The following FAM13A variants were observed in gnomAD, a reference collection of about 807,000 sequenced individuals.
FAM13A encodes the protein family with sequence similarity 13 member A.
In FAM13A, 76 loss-of-function variants were observed where a neutral mutation model predicts 129.6. The ratio of observed to expected loss-of-function variants is 0.59; its 90% CI spans 0.49 to 0.71. FAM13A has a LOEUF of 0.71. FAM13A is among the 30% of genes least tolerant of loss of function. The pLI is 0.00. For synonymous variants in FAM13A, 443 were observed against 449.9 expected (o/e 0.98, Z 0.20); for missense variants, 1,108 against 1,249.3 (o/e 0.89, Z 1.70).
intron 1 of FAM13A, among the ~76,000 whole-genome samples, chr4:89,046,443 T>C (rs888495704): frequency 2.1e-5 from 3 of 145,554 alleles, no homozygotes; most frequent in Admixed American, 6.8e-5. Context: ...GTCACTTCTA[T>C]TGATGGAATA....
intron 4 of FAM13A, among the ~76,000 whole-genome samples, chr4:88,949,976 T>C (rs182890350): frequency 6.6e-6 from 1 of 152,342 alleles, no homozygotes; most frequent in East Asian, 1.9e-4. Context: ...ATATTTTGGA[T>C]ACGTTGGAAA....
At chr4:88,975,513 T>A (rs139865453) in intron 4 of FAM13A, among the ~76,000 whole-genome samples, 5 of 152,344 alleles carry the variant, frequency 3.3e-5, no homozygotes, top group African/African-American at 9.6e-5. Flanking sequence ...CAATAGCCAT[T>A]TTCAAGATTA....
At chr4:88,823,104 T>C (rs1361350162) in intron 7 of FAM13A, 38 of 1,585,956 alleles carry the variant, frequency 2.4e-5, no homozygotes, top group Non-Finnish European at 2.9e-5. Context: ...CTAAGCTGGG[T>C]TGGGGGCATG....
At chr4:88,860,227 T>C (rs1052180801) in intron 6 of FAM13A, among the ~76,000 whole-genome samples, 1 of 152,222 alleles carries the variant, frequency 6.6e-6, no homozygotes, top group Non-Finnish European at 1.5e-5. Context: ...CTGATTAATG[T>C]GTTCTTAAAA....
chr4:88,946,401 CTTTTTTTT>C lies in FAM13A; in HGVS notation c.606-8168_606-8161del, dbSNP rs3067813. On this transcript the variant is annotated intron_variant, in intron 4 of 23. Transcript: ENST00000264344. Reference sequence around the variant, plus strand: ...CTGAGAGATCATTTGCTCCCGCGTTCTTTTTTTTTTTTTTTTTTTTTTGGTGACACCAA... The same window carrying C: ...CTGAGAGATCATTTGCTCCCGCGTTCTTTTTTTTTTTTTTGGTGACACCAA... 9.8e-5 allele frequency among the ~76,000 whole-genome samples: 9 copies of C among 91,714 alleles called. No individual in the cohort carries two copies. In the South Asian group the frequency reaches 2.9e-3, roughly 30 times the overall value. The allele number at this position is 91,714 out of a possible 152,430, so 60.2% of individuals were successfully genotyped here. A position where few individuals can be genotyped will look rare whatever the true frequency, so the allele number is the denominator to read the frequency against.
intron 4 of FAM13A, among the ~76,000 whole-genome samples, chr4:88,964,159 GAAT>G (rs961467103): frequency 2.6e-5 from 4 of 152,180 alleles, no homozygotes; most frequent in African/African-American, 9.7e-5. Flanking sequence ...ATACGGCTGA[GAAT>G]AATGAGAAGA....
chr4:88,778,542 G>T (rs1457726618), intron 11 of FAM13A, among the ~76,000 whole-genome samples: 1 of 152,174 alleles, frequency 6.6e-6, no homozygotes, highest in Non-Finnish European at 1.5e-5. Context: ...GGTACAGCCC[G>T]TGAGTCCATA....
chr4:88,771,514 C>G (rs1445937712), intron 11 of FAM13A, among the ~76,000 whole-genome samples: 4 of 152,202 alleles, frequency 2.6e-5, no homozygotes, highest in South Asian at 4.1e-4. Flanking sequence ...CCAAACACAT[C>G]CCTACCAGGC....
rs114337563 is a variant in FAM13A at position 88,740,399 on chromosome 4, C to A, written c.2467-1274G>T. On this transcript the variant is annotated intron_variant, in intron 19 of 23. Transcript: ENST00000264344. ...ATTTTTGTATCCCTAGTAACTATTT[C>A]AGTGCCTGACATCATGGAAATATTC... 1.8e-3 allele frequency among the ~76,000 whole-genome samples: 276 copies of A among 152,294 alleles called. 1 individual carries two copies. The highest frequency in any genetic ancestry group is 5.8e-3 in the African/African-American group (240 of 41,564).
At chr4:89,019,987 T>C (rs1040867918) in intron 3 of FAM13A, among the ~76,000 whole-genome samples, 1 of 152,096 alleles carries the variant, frequency 6.6e-6, no homozygotes, top group Non-Finnish European at 1.5e-5. Context: ...AAATTATTCT[T>C]GATCTCACTC....
chr4:88,920,113 G>A (rs1292920893), intron 5 of FAM13A, among the ~76,000 whole-genome samples: 1 of 152,204 alleles, frequency 6.6e-6, no homozygotes, highest in Non-Finnish European at 1.5e-5. Context: ...CTCCACCTCT[G>A]GGGGCAGGGC....
At chr4:88,849,207 T>C (rs1370256011) in intron 7 of FAM13A, among the ~76,000 whole-genome samples, 5 of 152,186 alleles carry the variant, frequency 3.3e-5, no homozygotes, top group Admixed American at 6.5e-5. Flanking sequence ...AAGTGGGAGA[T>C]TTACATCTTT....
chr4:88,994,962 T>C (rs902217668), intron 3 of FAM13A, among the ~76,000 whole-genome samples: 1 of 152,230 alleles, frequency 6.6e-6, no homozygotes, highest in Non-Finnish European at 1.5e-5. Context: ...ATAATTATGA[T>C]GGCTCACTTA....
At chr4:88,924,620 T>G (rs944003091) in intron 5 of FAM13A, among the ~76,000 whole-genome samples, 5 of 152,172 alleles carry the variant, frequency 3.3e-5, no homozygotes, top group Admixed American at 6.5e-5. Flanking sequence ...AACCTAGGCA[T>G]TACCATTCAG....
intron 23 of FAM13A, among the ~76,000 whole-genome samples, chr4:88,730,604 C>G (rs1737498956): frequency 6.6e-6 from 1 of 152,070 alleles, no homozygotes; most frequent in Admixed American, 6.6e-5. Context: ...GTTGGTCAGG[C>G]TGGTCTTGAA....
intron 13 of FAM13A, among the ~76,000 whole-genome samples, chr4:88,766,703 C>T (rs1301129371): frequency 6.6e-6 from 1 of 152,092 alleles, no homozygotes; most frequent in Non-Finnish European, 1.5e-5. Context: ...AGTACCTGTT[C>T]CTAGTAGGAT....
intron 6 of FAM13A, among the ~76,000 whole-genome samples, chr4:88,901,747 G>A (rs956942442): frequency 6.6e-5 from 10 of 151,764 alleles, no homozygotes; most frequent in African/African-American, 2.4e-4. Flanking sequence ...GAAATAACCA[G>A]TATCAGAGTG....
At chr4:88,751,774 T>C (rs553014102) in intron 14 of FAM13A, among the ~76,000 whole-genome samples, 15 of 152,332 alleles carry the variant, frequency 9.8e-5, no homozygotes, top group African/African-American at 3.6e-4. Flanking sequence ...ATGTCGATGA[T>C]ATAAGGTATT....
intron 5 of FAM13A, among the ~76,000 whole-genome samples, chr4:88,917,442 C>T (rs531144525): frequency 6.6e-6 from 1 of 152,290 alleles, no homozygotes; most frequent in East Asian, 1.9e-4. Context: ...CAAGTATCCA[C>T]ATGAGATTTT....
Sources: allele counts gnomAD v4.1 joint callset (sites outside exome capture counted in the v4.1 genomes callset), GRCh38; gene constraint gnomAD v4.1.1; transcripts MANE v1.5; gene names NCBI Gene and HGNC (gene_info 2026-07-23, HGNC 2026-07-21).